PDXDC1: variants seen among roughly 807,000 people sequenced by gnomAD.
PDXDC1 encodes pyridoxal-dependent decarboxylase domain-containing protein 1.
In PDXDC1, 42 loss-of-function variants were observed where a neutral mutation model predicts 100.1. The ratio of observed to expected loss-of-function variants is 0.42; its 90% CI spans 0.33 to 0.54. PDXDC1 has a LOEUF of 0.54. Ranked by LOEUF, PDXDC1 falls within the 20% of genes least tolerant of loss-of-function variation. The pLI, the probability that PDXDC1 is intolerant of heterozygous loss-of-function variation, is 0.10. For missense variants in PDXDC1, 636 were observed against 979.2 expected (o/e 0.65, Z 4.68); for synonymous variants, 260 against 371.7 (o/e 0.70, Z 3.46).
Position 15,033,404 on chromosome 16 carries a change from G to A in PDXDC1, c.1812+5G>A, listed in dbSNP as rs369466263. 5 of 1,613,782 alleles carry A rather than the reference G, an allele frequency of 3.1e-6. No individual in the cohort carries two copies. Among genetic ancestry groups the A allele is most frequent in the East Asian group, 2.2e-5 (1 of 44,878 alleles). ...GAGATAGAGGAGAACTCGAGGGTCCGTAGCACCCATCAGTGTTCATTCCTC... is the reference window on the plus strand; with the variant it reads ...GAGATAGAGGAGAACTCGAGGGTCCATAGCACCCATCAGTGTTCATTCCTC... On this transcript the variant is annotated splice_donor_5th_base_variant and intron_variant, in intron 19 of 22. Coordinates refer to ENST00000396410, the MANE Select transcript of PDXDC1 (RefSeq NM_015027.4).
At chr16:15,104,924 G>T (rs1326700724) in intron 16 of PDXDC1, among the ~76,000 whole-genome samples, 2 of 152,114 alleles carry the variant, frequency 1.3e-5, no homozygotes, top group Admixed American at 6.5e-5. Flanking sequence ...CTTCCACTGA[G>T]TACTGCCGAC....
At chr16:15,092,667 T>A (rs2046184016) in intron 16 of PDXDC1, 5 of 1,158,072 alleles carry the variant, frequency 4.3e-6, no homozygotes, top group Non-Finnish European at 6.5e-6. Flanking sequence ...ATAAAAATTA[T>A]AATAGCCAAC....
chr16:15,095,763 T>C (rs569034494), intron 16 of PDXDC1, among the ~76,000 whole-genome samples: 3 of 151,272 alleles, frequency 2.0e-5, no homozygotes, highest in African/African-American at 4.8e-5. Context: ...GGCAGGAGAA[T>C]AGTTTGAACC....
the PDXDC1 span, among the ~76,000 whole-genome samples, chr16:15,147,321 C>T: frequency 6.6e-6 from 1 of 152,198 alleles, no homozygotes. Flanking sequence ...GCCCCAGGCA[C>T]CCTGTGCGGC....
chr16:15,095,807 G>A (rs1425948320), intron 16 of PDXDC1, among the ~76,000 whole-genome samples: 1 of 151,120 alleles, frequency 6.6e-6, no homozygotes, highest in Non-Finnish European at 1.5e-5. Context: ...CCAAGATCGT[G>A]CCATTGCACT....
downstream of PDXDC1, chr16:15,041,728 G>T: frequency 7.4e-7 from 1 of 1,344,440 alleles, no homozygotes; most frequent in Non-Finnish European, 1.1e-6. Context: ...CTAGTTACCA[G>T]AACAAACTGC....
At chr16:15,094,654 C>T in intron 16 of PDXDC1, 2 of 255,920 alleles carry the variant, frequency 7.8e-6, no homozygotes, top group South Asian at 4.1e-5. Context: ...TCGAACCCGG[C>T]TGACCCAGGA....
At chr16:15,100,889 G>C (rs1247577796) in intron 16 of PDXDC1, among the ~76,000 whole-genome samples, 2 of 152,146 alleles carry the variant, frequency 1.3e-5, no homozygotes, top group Admixed American at 6.5e-5. Flanking sequence ...AGGAGGCTGA[G>C]ACGTGAGGAT....
intron 16 of PDXDC1, among the ~76,000 whole-genome samples, chr16:15,103,555 G>T (rs1352555225): frequency 5.9e-5 from 9 of 151,522 alleles, no homozygotes; most frequent in Non-Finnish European, 1.3e-4. Flanking sequence ...CCAGGCTAGA[G>T]TGTGCTGATG....
intron 16 of PDXDC1, chr16:15,094,269 G>C: frequency 6.7e-7 from 1 of 1,487,402 alleles, no homozygotes; most frequent in Non-Finnish European, 9.2e-7. Flanking sequence ...GCCTCAGGCC[G>C]GATGCCCAGC....
intron 19 of PDXDC1, among the ~76,000 whole-genome samples, chr16:15,033,677 T>C (rs72789541): frequency 6.6e-6 from 1 of 151,864 alleles, no homozygotes; most frequent in African/African-American, 2.4e-5. Flanking sequence ...AGCTGGACAC[T>C]CAGGCAGACA....
At chr16:15,087,146 A>T (rs1215764496) in intron 16 of PDXDC1, among the ~76,000 whole-genome samples, 3 of 152,306 alleles carry the variant, frequency 2.0e-5, no homozygotes, top group African/African-American at 7.2e-5. Flanking sequence ...CACAGGAAAA[A>T]AACCATTAAG....
At chr16:15,062,452 G>A (rs1280906164) in intron 16 of PDXDC1, among the ~76,000 whole-genome samples, 1 of 152,184 alleles carries the variant, frequency 6.6e-6, no homozygotes, top group African/African-American at 2.4e-5. Context: ...TCTTGAAGCT[G>A]CTTTTAATGA....
intron 16 of PDXDC1, chr16:15,085,631 A>G (rs2045887355): frequency 1.9e-6 from 3 of 1,612,104 alleles, no homozygotes; most frequent in African/African-American, 2.7e-5. Context: ...AAACCTTTTT[A>G]TACTTACTAT....
intron 16 of PDXDC1, among the ~76,000 whole-genome samples, chr16:15,086,783 C>A (rs1465055561): frequency 6.6e-6 from 1 of 152,142 alleles, no homozygotes; most frequent in African/African-American, 2.4e-5. Context: ...TTCTAGCAGA[C>A]TGAAATATTA....
chr16:14,982,831 CTGTT>C (rs1968308842), intron 1 of PDXDC1, among the ~76,000 whole-genome samples: 1 of 152,264 alleles, frequency 6.6e-6, no homozygotes, highest in Non-Finnish European at 1.5e-5. Context: ...ACAGCAGGCA[CTGTT>C]TGTTTTCGCC....
At chr16:15,003,392 A>G (rs1441357585) in intron 4 of PDXDC1, among the ~76,000 whole-genome samples, 6 of 152,072 alleles carry the variant, frequency 3.9e-5, no homozygotes, top group South Asian at 2.1e-4. Flanking sequence ...AATTTTTTGT[A>G]TTTTTAGTAG....
At position 15,032,612 on chromosome 16, in the gene PDXDC1, C is replaced by G. The variant is rs111760069; in HGVS notation, c.1572-249C>G. On this transcript the variant is annotated intron_variant, in intron 17 of 22. Transcript: ENST00000396410. ...GAGGTTGCAGTGAGCCAAGATCATGCCACTGCACCCCAGCCTGGGCCACCA... is the reference window on the plus strand; with the variant it reads ...GAGGTTGCAGTGAGCCAAGATCATGGCACTGCACCCCAGCCTGGGCCACCA... The G allele has an allele frequency of 1.1e-3, 385 of 359,798 alleles. 8 individuals are homozygous for G. Among genetic ancestry groups the G allele is most frequent in the Middle Eastern group, 7.9e-4 (1 of 1,272 alleles). 22.3% of individuals were successfully genotyped at this position (359,798 alleles called of 1,614,324 possible). A position where few individuals can be genotyped will look rare whatever the true frequency, so the allele number is the denominator to read the frequency against.
chr16:15,128,745 C>T (rs1042592048), intron 16 of PDXDC1, among the ~76,000 whole-genome samples: 8 of 152,080 alleles, frequency 5.3e-5, no homozygotes, highest in Admixed American at 5.2e-4. Context: ...TCAGTTCATG[C>T]ATAGACTGCA....
Sources: gnomAD v4.1 joint callset for allele counts (sites outside exome capture counted in the v4.1 genomes callset) on GRCh38, gnomAD v4.1.1 for gene constraint, MANE v1.5 for transcripts, NCBI Gene and HGNC (gene_info 2026-07-23, HGNC 2026-07-21) for gene names.